Variants in TMEM117 observed in about 807,000 individuals in gnomAD.
TMEM117 encodes the protein transmembrane protein 117.
In TMEM117, 27 loss-of-function variants were observed where a neutral mutation model predicts 52.4. The ratio of observed to expected loss-of-function variants is 0.51; its 90% CI spans 0.38 to 0.71. The LOEUF (loss-of-function observed/expected upper bound fraction) is 0.71. TMEM117 is among the 30% of genes least tolerant of loss of function. The probability of loss-of-function intolerance (pLI) is 0.00; values close to 1 mark genes in which losing one functional copy is unlikely to be tolerated. For synonymous variants in TMEM117, 215 were observed against 206.3 expected (o/e 1.04, Z -0.36); for missense variants, 556 against 630.5 (o/e 0.88, Z 1.26).
intron 2 of TMEM117, among the ~76,000 whole-genome samples, chr12:43,939,015 AT>A (rs1378484860): frequency 6.6e-6 from 1 of 151,838 alleles, no homozygotes; most frequent in Non-Finnish European, 1.5e-5. Flanking sequence ...AAAAAAAAAA[AT>A]AAAAAATAAA....
chr12:44,062,675 A>G (rs971633733), intron 3 of TMEM117, among the ~76,000 whole-genome samples: 4 of 152,306 alleles, frequency 2.6e-5, no homozygotes, highest in African/African-American at 9.6e-5. Context: ...AAATGATCCT[A>G]ATTTTCCCTA....
At chr12:44,041,729 T>C (rs1419742977) in intron 3 of TMEM117, among the ~76,000 whole-genome samples, 1 of 152,108 alleles carries the variant, frequency 6.6e-6, no homozygotes, top group African/African-American at 2.4e-5. Flanking sequence ...TCAAAAAATA[T>C]TAGCAAATCG....
At chr12:43,848,399 T>C (rs1392978449) in intron 2 of TMEM117, among the ~76,000 whole-genome samples, 2 of 152,136 alleles carry the variant, frequency 1.3e-5, no homozygotes, top group Admixed American at 1.3e-4. Flanking sequence ...CTGCCGTTTA[T>C]AGACCTCCCC....
chr12:43,912,731 G>A (rs1944534536), intron 2 of TMEM117, among the ~76,000 whole-genome samples: 1 of 151,560 alleles, frequency 6.6e-6, no homozygotes, highest in Non-Finnish European at 1.5e-5. Context: ...TTTTATTGGT[G>A]CTTTTCCATG....
intron 3 of TMEM117, among the ~76,000 whole-genome samples, chr12:43,981,885 G>T (rs1426690691): frequency 4.6e-5 from 7 of 152,030 alleles, no homozygotes; most frequent in Admixed American, 3.9e-4. Flanking sequence ...GGGAGAGGTT[G>T]GTCAAAGAGC....
intron 3 of TMEM117, among the ~76,000 whole-genome samples, chr12:44,054,899 A>G (rs1001307572): frequency 6.6e-6 from 1 of 151,022 alleles, no homozygotes; most frequent in African/African-American, 2.4e-5. Context: ...CACCTTCCCC[A>G]CCCCACGACA....
intron 5 of TMEM117, among the ~76,000 whole-genome samples, chr12:44,216,417 C>T (rs1035575340): frequency 2.6e-5 from 4 of 152,090 alleles, no homozygotes; most frequent in African/African-American, 9.7e-5. Context: ...GATAACACTG[C>T]AGACTTGTAG....
chr12:44,318,005 T>C (rs1472204909), intron 6 of TMEM117, among the ~76,000 whole-genome samples: 1 of 152,072 alleles, frequency 6.6e-6, no homozygotes, highest in Non-Finnish European at 1.5e-5. Flanking sequence ...TGGAGCTTGG[T>C]AACCTGCTTG....
In TMEM117 at chr12:44,288,853, G is replaced by T. The variant is rs1950667291; in HGVS notation, c.609-10727G>T. Among the ~76,000 whole-genome samples, 11 of 152,236 alleles carry T rather than the reference G, an allele frequency of 7.2e-5. No individual in the cohort carries two copies. In the South Asian group the frequency reaches 2.3e-3, roughly 32 times the overall value. The stretch of plus-strand genomic sequence containing the variant: ...TCATACATAGTTAACCATTGTGTGT[G>T]TATGTATGTATGCATGTGGTGAAGA... On this transcript the variant is annotated intron_variant, in intron 5 of 7. Coordinates refer to ENST00000266534, the MANE Select transcript of TMEM117 (RefSeq NM_032256.3).
At chr12:43,849,417 T>C (rs1192366683) in intron 2 of TMEM117, among the ~76,000 whole-genome samples, 16 of 152,218 alleles carry the variant, frequency 1.1e-4, no homozygotes. Flanking sequence ...TGGTATTAAT[T>C]ATAAACAGGA....
At chr12:43,849,761 C>T (rs1019191404) in intron 2 of TMEM117, among the ~76,000 whole-genome samples, 1 of 151,902 alleles carries the variant, frequency 6.6e-6, no homozygotes, top group Non-Finnish European at 1.5e-5. Context: ...GGAATCATAA[C>T]CTTCTGTAAA....
chr12:44,238,560 G>A (rs1950025872), intron 5 of TMEM117, among the ~76,000 whole-genome samples: 1 of 152,018 alleles, frequency 6.6e-6, no homozygotes. Context: ...CTTGAAACCA[G>A]GAGTTCAAGA....
chr12:43,967,591 T>A (rs767143004), intron 3 of TMEM117, among the ~76,000 whole-genome samples: 1 of 152,194 alleles, frequency 6.6e-6, no homozygotes, highest in Non-Finnish European at 1.5e-5. Flanking sequence ...AGGAAGGACC[T>A]GAGGCCTGCC....
At chr12:44,378,901 A>G (rs1436568838) in intron 7 of TMEM117, among the ~76,000 whole-genome samples, 2 of 152,184 alleles carry the variant, frequency 1.3e-5, no homozygotes, top group Non-Finnish European at 2.9e-5. Flanking sequence ...AGATCAGAGC[A>G]TCTCCCTGAA....
At chr12:44,193,667 G>A (rs1401208577) in intron 4 of TMEM117, among the ~76,000 whole-genome samples, 3 of 152,194 alleles carry the variant, frequency 2.0e-5, no homozygotes. Context: ...AGATCCTAGA[G>A]AGAGGAAAAC....
intron 5 of TMEM117, among the ~76,000 whole-genome samples, chr12:44,284,808 G>GT (rs1212453261): frequency 1.4e-5 from 2 of 138,358 alleles, no homozygotes; most frequent in African/African-American, 6.8e-5. Flanking sequence ...ATTCTACTAG[G>GT]TATTTTTTTT....
chr12:44,137,459 G>A (rs7315413), intron 3 of TMEM117, among the ~76,000 whole-genome samples: 112 of 152,188 alleles, frequency 7.4e-4, no homozygotes, highest in Middle Eastern at 3.4e-3. Flanking sequence ...AAGGAGATGA[G>A]TCTAAAAATG....
chr12:44,077,936 G>A (rs74714966), intron 3 of TMEM117, among the ~76,000 whole-genome samples: 12,397 of 151,956 alleles, frequency 0.082, 587 homozygotes, highest in Middle Eastern at 0.15. Flanking sequence ...AAAATATGTT[G>A]TTGTACTTAT....
intron 3 of TMEM117, among the ~76,000 whole-genome samples, chr12:44,107,403 A>G (rs1947975858): frequency 6.6e-6 from 1 of 152,102 alleles, no homozygotes; most frequent in African/African-American, 2.4e-5. Flanking sequence ...GGTTTACATT[A>G]TCTACTTTTT....
Sources: allele counts gnomAD v4.1 joint callset (sites outside exome capture counted in the v4.1 genomes callset), GRCh38; gene constraint gnomAD v4.1.1; transcripts MANE v1.5; gene names NCBI Gene and HGNC (gene_info 2026-07-23, HGNC 2026-07-21).